The following TCEAL9 variants were observed in gnomAD, a reference collection of about 807,000 sequenced individuals.
TCEAL9 encodes transcription elongation factor A protein-like 9.
Under a neutral mutation model 5.2 loss-of-function variants are expected in TCEAL9, and 2 were observed. That is an observed-to-expected ratio of 0.38 (90% CI 0.16 to 1.21). TCEAL9 has a LOEUF of 1.21. Among genes scored for constraint, TCEAL9 ranks in the 50% most tolerant of loss-of-function variants. The pLI is 0.35. For missense variants in TCEAL9, 76 were observed against 74.2 expected, an observed-to-expected ratio of 1.02 and a Z score of -0.09; for synonymous variants, 26 against 22.3, an observed-to-expected ratio of 1.17 and a Z score of -0.47.
chrX:103,357,382 C>T lies in TCEAL9; in HGVS notation c.-71+221C>T, dbSNP rs751042486. The T allele has an allele frequency of 5.1e-5, 10 of 194,558 alleles. No individual in the cohort carries two copies. In the East Asian group the frequency reaches 9.3e-4, roughly 18 times the overall value. The allele number at this position is 194,558 out of a possible 1,213,427, so 16.0% of individuals were successfully genotyped here. A position where few individuals can be genotyped will look rare whatever the true frequency, so the allele number is the denominator to read the frequency against. On this transcript the variant is annotated intron_variant, in intron 2 of 2. Transcript: ENST00000372661. Reference sequence around the variant, plus strand: ...AAAAGGTCTGGGGAGGGCTGGACGGCGGAAAGGAGGGCCTTGGAAAAGGTT... The same window carrying T: ...AAAAGGTCTGGGGAGGGCTGGACGGTGGAAAGGAGGGCCTTGGAAAAGGTT...
Position 103,358,083 on chromosome X carries a change from TC to T in TCEAL9, c.*85del. On this transcript the variant is annotated 3_prime_UTR_variant, in exon 3 of 3. Transcript: ENST00000372661. ...TTCCTGATATTCCTTTGTCCATATTTCTACTTATAACCTGTTGCTATTAATG... is the reference window on the plus strand; with the variant it reads ...TTCCTGATATTCCTTTGTCCATATTTTACTTATAACCTGTTGCTATTAATG... The T allele has an allele frequency of 8.1e-6, 7 of 865,005 alleles. No homozygotes were observed. The highest frequency in any genetic ancestry group is 1.1e-5 in the Non-Finnish European group (7 of 625,185). 71.3% of individuals were successfully genotyped at this position (865,005 alleles called of 1,213,427 possible).
rs1926927322 is a variant in TCEAL9 at position 103,358,074 on chromosome X, G to A, written c.*75G>A. 3.2e-6 allele frequency: 3 copies of A among 931,754 alleles called. No individual in the cohort carries two copies. In the Admixed American group the frequency reaches 1.0e-4, roughly 31 times the overall value. 76.8% of individuals were successfully genotyped at this position (931,754 alleles called of 1,213,427 possible). A position where few individuals can be genotyped will look rare whatever the true frequency, so the allele number is the denominator to read the frequency against. Reference sequence around the variant, plus strand: ...TATTAGCATTTCCTGATATTCCTTTGTCCATATTTCTACTTATAACCTGTT... The same window carrying A: ...TATTAGCATTTCCTGATATTCCTTTATCCATATTTCTACTTATAACCTGTT... On this transcript the variant is annotated 3_prime_UTR_variant, in exon 3 of 3. Transcript: ENST00000372661.
rs1926908682 is a variant in TCEAL9 at position 103,357,662 on chromosome X, GAAGA to G, written c.-22_-19del. 1.7e-6 allele frequency: 2 copies of G among 1,164,800 alleles called. No individual in the cohort carries two copies. Among genetic ancestry groups the G allele is most frequent in the Non-Finnish European group, 1.1e-6 (1 of 876,313 alleles). ...ATAAGCAAGAAAGAAAAGAAGGAAG[GAAGA>G]GAGGTAGACAGATACAAGATGAAAT... On this transcript the variant is annotated 5_prime_UTR_variant, in exon 3 of 3. Transcript: ENST00000372661.
At chrX:103,357,438 T>G in intron 2 of TCEAL9, 177 bp from the exon 3 acceptor site, 2 of 306,698 alleles carry the variant, frequency 6.5e-6, no homozygotes, top group South Asian at 7.4e-5. Flanking sequence ...AGTGAGGAGG[T>G]GGAAAGTGGA....
chrX:103,357,010 C>G, intron 1 of TCEAL9, 73 bp from the exon 2 acceptor site: 1 of 111,124 alleles, frequency 9.0e-6, no homozygotes, highest in Non-Finnish European at 1.9e-5. Context: ...AGGAAAGCTA[C>G]GTGTGTCAGT....
chrX:103,357,927 G>C lies in TCEAL9; in HGVS notation c.243G>C (p.Arg81Ser). ...FREVDEIDEI[R>S]RVRNKLIVMR... ...AAGTGGATGAAATAGATGAGATAAG[G>C]AGAGTCAGAAACAAACTTATAGTGA... The change falls in exon 3 of 3, where the codon AGG (arginine) becomes AGC (serine). Residue 81 changes from arginine to serine, a missense_variant. Transcript: ENST00000372661. 8.3e-7 allele frequency: 1 copy of C among 1,212,021 alleles called. No homozygotes were observed. Among genetic ancestry groups the C allele is most frequent in the Non-Finnish European group, 1.1e-6 (1 of 895,578 alleles).
intron 2 of TCEAL9, 163 bp from the exon 3 acceptor site, chrX:103,357,452 A>G (rs1926903007): frequency 2.8e-6 from 1 of 352,653 alleles, no homozygotes; most frequent in Non-Finnish European, 4.8e-6. Context: ...AAGTGGAGGT[A>G]AAAGGAGTGG....
rs996026639 is a variant in TCEAL9, at chrX:103,357,533, A to C, written c.-70-82A>C. ...TATTTTATAACAGCTCTGAATAAAA[A>C]AAATTAAATGCTAAGGCCTCTGTCC... On this transcript the variant is annotated intron_variant, in intron 2 of 2. Transcript: ENST00000372661. The C allele has an allele frequency of 1.5e-4, 114 of 766,513 alleles. 2 individuals are homozygous for C. The Admixed American group carries it at 2.9e-3, about 19-fold the overall frequency. The allele number at this position is 766,513 out of a possible 1,213,427, so 63.2% of individuals were successfully genotyped here. A position where few individuals can be genotyped will look rare whatever the true frequency, so the allele number is the denominator to read the frequency against.
Position 103,357,838 on chromosome X carries a change from T to C in TCEAL9, c.154T>C (p.Ser52Pro). The C allele has an allele frequency of 8.3e-7, 1 of 1,211,495 alleles. No homozygotes were observed. The highest frequency in any genetic ancestry group is 1.1e-6 in the Non-Finnish European group (1 of 895,488). ...KGTFRERLIQ[S>P]LQEFKEDIHN... is the part of the protein sequence containing the mutation. Reference sequence around the variant, plus strand: ...AACTTTTAGAGAAAGGCTGATTCAATCTCTCCAGGAGTTTAAAGAAGATAT... The same window carrying C: ...AACTTTTAGAGAAAGGCTGATTCAACCTCTCCAGGAGTTTAAAGAAGATAT... The change falls in exon 3 of 3, where the codon TCT becomes CCT. Residue 52 changes from serine (S) to proline (P), a missense_variant. Transcript: ENST00000372661.
chrX:103,357,330 G>A (rs1926897154), intron 2 of TCEAL9, 169 bp downstream of exon 2: 1 of 133,023 alleles, frequency 7.5e-6, no homozygotes, highest in Non-Finnish European at 1.5e-5. Flanking sequence ...TTTCTGGCCT[G>A]GTCCCTGTGT....
At chrX:103,356,780 T>C (rs1248593588) in intron 1 of TCEAL9, 174 bp downstream of exon 1, 1 of 110,440 alleles carries the variant, frequency 9.1e-6, no homozygotes, top group Non-Finnish European at 1.9e-5. Flanking sequence ...GGGAGACCTG[T>C]GGTAGTTTAA....
In TCEAL9 at chrX:103,357,076, T is replaced by C. The variant is rs1926890210; in HGVS notation, c.-149-7T>C. Reference sequence around the variant, plus strand: ...GCCCCACCCCCACCGTCCCCTCCCGTTTCCAGTTTATCTGCAGGGCTGTTG... The same window carrying C: ...GCCCCACCCCCACCGTCCCCTCCCGCTTCCAGTTTATCTGCAGGGCTGTTG... On this transcript the variant is annotated splice_polypyrimidine_tract_variant and splice_region_variant and intron_variant, in intron 1 of 2. Coordinates refer to ENST00000372661, the MANE Select transcript of TCEAL9 (RefSeq NM_016303.3). 9.7e-6 allele frequency: 1 copy of C among 103,221 alleles called. No individual in the cohort carries two copies. Among genetic ancestry groups the C allele is most frequent in the East Asian group, 3.3e-4 (1 of 3,020 alleles). 8.5% of individuals were successfully genotyped at this position (103,221 alleles called of 1,213,427 possible). A position where few individuals can be genotyped will look rare whatever the true frequency, so the allele number is the denominator to read the frequency against.
chrX:103,357,959 G>C lies in TCEAL9; in HGVS notation c.275G>C (p.Trp92Ser). Residue 92 changes from tryptophan to serine, a missense_variant, in exon 3 of 3, where the codon TGG (tryptophan) becomes TCG (serine). Trp to Ser is a radical substitution (Grantham distance 177, BLOSUM62 -3). Transcript: ENST00000372661. ...RVRNKLIVMR[W>S]KVNRNHPYPY... ...AGAAACAAACTTATAGTGATGCGTTGGAAGGTTAATCGAAACCATCCTTAC... is the reference window on the plus strand; with the variant it reads ...AGAAACAAACTTATAGTGATGCGTTCGAAGGTTAATCGAAACCATCCTTAC... The C allele has an allele frequency of 8.3e-7, 1 of 1,210,618 alleles. No individual in the cohort carries two copies. Among genetic ancestry groups the C allele is most frequent in the Non-Finnish European group, 1.1e-6 (1 of 895,079 alleles).
intron 2 of TCEAL9, 164 bp from the exon 3 acceptor site, chrX:103,357,451 T>G: frequency 2.9e-6 from 1 of 339,743 alleles, no homozygotes; most frequent in Non-Finnish European, 5.0e-6. Context: ...AAAGTGGAGG[T>G]AAAAGGAGTG....
rs761615777 is a variant in TCEAL9, at chrX:103,357,899, G to A, written c.215G>A (p.Arg72Lys). 13 of 1,210,485 alleles carry A rather than the reference G, an allele frequency of 1.1e-5. No homozygotes were observed. In the South Asian group the frequency reaches 2.3e-4, roughly 21 times the overall value. ...NRHLSNEDMF[R>K]EVDEIDEIRR... ...CATTTAAGCAATGAAGATATGTTTA[G>A]AGAAGTGGATGAAATAGATGAGATA... The change falls in exon 3 of 3, where the codon AGA becomes AAA. Residue 72 changes from arginine (R) to lysine (K), a missense_variant. Coordinates refer to ENST00000372661, the MANE Select transcript of TCEAL9 (RefSeq NM_016303.3).
chrX:103,357,187 C>A (rs1388563339), intron 2 of TCEAL9, 26 bp downstream of exon 2: 2 of 114,165 alleles, frequency 1.8e-5, no homozygotes, highest in Non-Finnish European at 3.6e-5. Flanking sequence ...ATTATAAAGT[C>A]TCCTGGGGTG....
At chrX:103,357,573 C>G (rs756906930) in intron 2 of TCEAL9, 42 bp from the exon 3 acceptor site, 23 of 1,010,085 alleles carry the variant, frequency 2.3e-5, no homozygotes, top group Non-Finnish European at 2.8e-5. Flanking sequence ...CACCTGTCCA[C>G]TCACCAAGTC....
rs1328650672 is a variant in TCEAL9 at position 103,358,091 on chromosome X, T to C, written c.*92T>C. ...ATTCCTTTGTCCATATTTCTACTTATAACCTGTTGCTATTAATGGTTTTAG... is the reference window on the plus strand; with the variant it reads ...ATTCCTTTGTCCATATTTCTACTTACAACCTGTTGCTATTAATGGTTTTAG... On this transcript the variant is annotated 3_prime_UTR_variant, in exon 3 of 3. Transcript: ENST00000372661. 1.2e-6 allele frequency: 1 copy of C among 815,331 alleles called. No individual in the cohort carries two copies. Among genetic ancestry groups the C allele is most frequent in the East Asian group, 3.4e-5 (1 of 29,268 alleles). The allele number at this position is 815,331 out of a possible 1,213,427, so 67.2% of individuals were successfully genotyped here.
rs1926924308 is a variant in TCEAL9, at chrX:103,357,981, T to C, written c.297T>C (p.Pro99=). ...VMRWKVNRNH[P]YPYLM ...GTTGGAAGGTTAATCGAAACCATCC[T>C]TACCCCTATTTAATGTAGTTTACCT... The change falls in exon 3 of 3, where the codon CCT becomes CCC. Residue 99 remains proline, a synonymous_variant. Coordinates refer to ENST00000372661, the MANE Select transcript of TCEAL9 (RefSeq NM_016303.3). The C allele has an allele frequency of 8.3e-7, 1 of 1,201,899 alleles. No homozygotes were observed. The highest frequency in any genetic ancestry group is 2.2e-5 in the Admixed American group (1 of 44,834).
Sources: allele counts gnomAD v4.1 joint callset, GRCh38; gene constraint gnomAD v4.1.1; transcripts MANE v1.5; gene names NCBI Gene and HGNC (gene_info 2026-07-23, HGNC 2026-07-21).